DEPDC5: variants seen among roughly 807,000 people sequenced by gnomAD.
The protein encoded by DEPDC5 is DEP domain containing 5, GATOR1 subcomplex subunit.
Under a neutral mutation model 217.3 loss-of-function variants are expected in DEPDC5, and 73 were observed. That is an observed-to-expected ratio of 0.34 (90% CI 0.28 to 0.41). The LOEUF (loss-of-function observed/expected upper bound fraction) is 0.41, where lower values mean the gene tolerates loss of function less well. DEPDC5 is among the 10% of genes least tolerant of loss of function. The pLI, the probability that DEPDC5 is intolerant of heterozygous loss-of-function variation, is 1.00. For missense variants in DEPDC5, 1,675 were observed against 2,070.1 expected (o/e 0.81, Z 3.70); for synonymous variants, 733 against 756.7 (o/e 0.97, Z 0.51).
intron 38 of DEPDC5, among the ~76,000 whole-genome samples, chr22:31,885,062 C>T (rs2093272685): frequency 6.6e-6 from 1 of 152,172 alleles, no homozygotes; most frequent in Non-Finnish European, 1.5e-5. Flanking sequence ...CTGCACTGGC[C>T]TCCTGGCTTC....
chr22:31,865,081 C>T (rs1316678665), intron 33 of DEPDC5, among the ~76,000 whole-genome samples: 1 of 152,126 alleles, frequency 6.6e-6, no homozygotes, highest in Non-Finnish European at 1.5e-5. Flanking sequence ...CCGCCTCGGC[C>T]TCCCAAAGTG....
chr22:31,815,321 G>T (rs1437897739), intron 21 of DEPDC5, 109 bp downstream of exon 21: 1 of 1,177,424 alleles, frequency 8.5e-7, no homozygotes, highest in African/African-American at 1.5e-5. Flanking sequence ...ACATCTTAAT[G>T]ATTTCTTTGC....
intron 39 of DEPDC5, among the ~76,000 whole-genome samples, chr22:31,895,059 G>A (rs556318674): frequency 4.7e-5 from 7 of 149,696 alleles, no homozygotes; most frequent in Admixed American, 6.7e-5. Flanking sequence ...CAGGAGAATC[G>A]CTTGAACCTG....
Position 31,836,999 on chromosome 22 carries a change from T to C in DEPDC5, c.2198T>C (p.Val733Ala). 1 of 1,614,020 alleles carries C rather than the reference T, an allele frequency of 6.2e-7. No individual in the cohort carries two copies. The highest frequency in any genetic ancestry group is 8.5e-7 in the Non-Finnish European group (1 of 1,180,000). ...PILTLSAPPV[V>A]PGFCCTVGVD... is the part of the protein sequence containing the mutation. ...CTGACACTGTCTGCTCCCCCTGTAG[T>C]GCCAGGCTTCTGTTGCACAGTTGGA... The change falls in exon 26 of 43, where the codon GTG becomes GCG. Residue 733 changes from valine to alanine, a missense_variant. By Grantham distance (64) the Val-to-Ala change is moderately conservative. Transcript: ENST00000651528.
At chr22:31,801,826 G>T (rs553946629) in intron 14 of DEPDC5, among the ~76,000 whole-genome samples, 1 of 152,120 alleles carries the variant, frequency 6.6e-6, no homozygotes, top group Non-Finnish European at 1.5e-5. Flanking sequence ...GTACCCAGGT[G>T]CTCAGGGAAT....
At chr22:31,756,771 A>T (rs2081971960) in intron 2 of DEPDC5, among the ~76,000 whole-genome samples, 2 of 151,828 alleles carry the variant, frequency 1.3e-5, no homozygotes, top group South Asian at 4.2e-4. Flanking sequence ...AAATACAAAA[A>T]TTAGCCAGGT....
chr22:31,865,726 A>G (rs1602546978), intron 33 of DEPDC5, among the ~76,000 whole-genome samples: 1 of 152,338 alleles, frequency 6.6e-6, no homozygotes, highest in Non-Finnish European at 1.5e-5. Context: ...TCACCGCTAG[A>G]TGGCAAGCTT....
chr22:31,878,056 G>A (rs768697815), intron 37 of DEPDC5, among the ~76,000 whole-genome samples: 9 of 151,920 alleles, frequency 5.9e-5, no homozygotes, highest in South Asian at 2.1e-4. Flanking sequence ...GCGTGGTGGC[G>A]CACGCCTGTA....
Position 31,810,541 on chromosome 22 carries a change from T to A in DEPDC5, c.1345T>A (p.Ser449Thr). ...TTCAGCTCTCGGGAGTCCAAAAGAA[T>A]CTGAGAACGCCCTTCCCATCCAAGT... ...RDTSLGSPKESENALPIQVDY... is the reference protein window; with the variant it reads ...RDTSLGSPKETENALPIQVDY... The change falls in exon 20 of 43, where the codon TCT (serine) becomes ACT (threonine). Residue 449 changes from serine to threonine, a missense_variant. This residue lies in a region of DEPDC5 where 628 missense variants were observed against 762.1 expected (regional missense o/e 0.82). Coordinates refer to ENST00000651528, the MANE Select transcript of DEPDC5 (RefSeq NM_001242896.3). The A allele has an allele frequency of 6.2e-7, 1 of 1,614,196 alleles. No individual in the cohort carries two copies. Among genetic ancestry groups the A allele is most frequent in the South Asian group, 1.1e-5 (1 of 91,080 alleles).
At chr22:31,815,930 C>G (rs1233057183) in intron 21 of DEPDC5, 1 of 1,009,230 alleles carries the variant, frequency 9.9e-7, no homozygotes, top group Non-Finnish European at 1.2e-6. Flanking sequence ...GGCCTAGGGT[C>G]AAAAGGGTTT....
At chr22:31,899,489 A>G (rs558200983) in intron 40 of DEPDC5, among the ~76,000 whole-genome samples, 8 of 152,142 alleles carry the variant, frequency 5.3e-5, no homozygotes, top group Middle Eastern at 3.4e-3. Context: ...CCTGGGTTCA[A>G]GTGATTCTCC....
intron 22 of DEPDC5, among the ~76,000 whole-genome samples, chr22:31,820,001 G>A (rs550766716): frequency 6.6e-6 from 1 of 152,028 alleles, no homozygotes; most frequent in Admixed American, 6.6e-5. Context: ...TCTATATTCT[G>A]TTCTCAAGAA....
chr22:31,852,339 A>ATTTTTT (rs71320909), intron 31 of DEPDC5, among the ~76,000 whole-genome samples: 1 of 125,958 alleles, frequency 7.9e-6, no homozygotes, highest in African/African-American at 3.1e-5. Context: ...ATTTATTACT[A>ATTTTTT]TTTTTTTTTT....
At chr22:31,845,388 C>T in intron 30 of DEPDC5, 151 bp downstream of exon 30, 2 of 1,094,014 alleles carry the variant, frequency 1.8e-6, no homozygotes, top group Non-Finnish European at 2.6e-6. Flanking sequence ...TTCTCCTCCA[C>T]CGCGGGGTAA....
intron 33 of DEPDC5, among the ~76,000 whole-genome samples, chr22:31,865,694 G>A (rs2092671170): frequency 6.6e-6 from 1 of 152,174 alleles, no homozygotes; most frequent in Admixed American, 6.5e-5. Context: ...AATCCTTTAT[G>A]AATATTAATG....
At chr22:31,822,068 A>G (rs1206815557) in intron 23 of DEPDC5, among the ~76,000 whole-genome samples, 1 of 152,240 alleles carries the variant, frequency 6.6e-6, no homozygotes, top group African/African-American at 2.4e-5. Flanking sequence ...GAATAAGTTA[A>G]TGCTAAGGGC....
chr22:31,799,847 C>T (rs1240242453), intron 14 of DEPDC5, among the ~76,000 whole-genome samples: 2 of 108,760 alleles, frequency 1.8e-5, no homozygotes, highest in African/African-American at 3.7e-5. Context: ...CTTACTCTGT[C>T]GCTAGGCTAG....
chr22:31,809,608 C>T lies in DEPDC5; in HGVS notation c.1288-3C>T. On this transcript the variant is annotated splice_region_variant and splice_polypyrimidine_tract_variant and intron_variant, in intron 18 of 42. Transcript: ENST00000651528. ...GTGATTAATTATCTATTTAATTTTTCAGCCCGCCTCTGAGAAAGCAAAAAA... is the reference window on the plus strand; with the variant it reads ...GTGATTAATTATCTATTTAATTTTTTAGCCCGCCTCTGAGAAAGCAAAAAA... 6.2e-7 allele frequency: 1 copy of T among 1,613,980 alleles called. No homozygotes were observed. Among genetic ancestry groups the T allele is most frequent in the Middle Eastern group, 1.6e-4 (1 of 6,062 alleles).
intron 24 of DEPDC5, among the ~76,000 whole-genome samples, chr22:31,832,292 T>C (rs1006329983): frequency 1.3e-5 from 2 of 152,242 alleles, no homozygotes; most frequent in Non-Finnish European, 2.9e-5. Flanking sequence ...ATTTTTCTTG[T>C]ATAAATTTCT....
Sources: gnomAD v4.1 joint callset for allele counts (sites outside exome capture counted in the v4.1 genomes callset) on GRCh38, gnomAD v4.1.1 for gene constraint, gnomAD v4.1.1 regional missense constraint, MANE v1.5 for transcripts, NCBI Gene and HGNC (gene_info 2026-07-23, HGNC 2026-07-21) for gene names.